CUBN: variants seen among roughly 807,000 people sequenced by gnomAD.
CUBN encodes 460 kDa receptor.
A neutral mutation model predicts 405.3 loss-of-function variants in CUBN; 282 were observed. The ratio of observed to expected loss-of-function variants is 0.70; its 90% CI spans 0.63 to 0.77. The LOEUF (loss-of-function observed/expected upper bound fraction) is 0.77, where lower values mean the gene tolerates loss of function less well. Ranked by LOEUF, CUBN falls within the 30% of genes least tolerant of loss-of-function variation. CUBN has a pLI of 0.00. For missense variants in CUBN, 4,514 were observed against 4,475.2 expected (o/e 1.01, Z -0.25); for synonymous variants, 1,684 against 1,617.0 (o/e 1.04, Z -0.99).
chr10:16,999,079 A>C (rs12243761), intron 28 of CUBN, among the ~76,000 whole-genome samples: 3,623 of 152,340 alleles, frequency 0.024, 100 homozygotes, highest in African/African-American at 0.067. Context: ...TATTGCATGA[A>C]GTCAGTGACT....
At chr10:16,996,332 C>G (rs1236461305) in intron 28 of CUBN, among the ~76,000 whole-genome samples, 1 of 152,182 alleles carries the variant, frequency 6.6e-6, no homozygotes, top group Non-Finnish European at 1.5e-5. Context: ...GGTGACTGAT[C>G]ATCTGTTTGC....
chr10:16,918,623 T>C lies in CUBN; in HGVS notation c.6999A>G (p.Ile2333Met), dbSNP rs1382057390. ...THVGFKAKYSIAQCGGRVPGQ... is the reference protein window; with the variant it reads ...THVGFKAKYSMAQCGGRVPGQ... The stretch of plus-strand genomic sequence containing the variant: ...TAAAAGTTTTAAAAAAATTATTACC[T>C]ATAGAATACTTGGCCTTGAATCCCA... The change falls in exon 45 of 67, where the codon ATA becomes ATG. Residue 2333 changes from isoleucine (I) to methionine (M), a missense_variant and splice_region_variant. By Grantham distance (10) the Ile-to-Met change is conservative. Transcript: ENST00000377833. 6.2e-7 allele frequency: 1 copy of C among 1,612,328 alleles called. No individual in the cohort carries two copies. The highest frequency in any genetic ancestry group is 1.7e-5 in the Admixed American group (1 of 59,974).
intron 27 of CUBN, among the ~76,000 whole-genome samples, chr10:17,031,244 C>T (rs1475536177): frequency 3.9e-5 from 6 of 152,104 alleles, no homozygotes; most frequent in Admixed American, 3.3e-4. Flanking sequence ...TATATCTCAA[C>T]CTAAAGAATT....
chr10:16,946,290 T>A (rs185134116), intron 36 of CUBN, among the ~76,000 whole-genome samples: 1 of 152,148 alleles, frequency 6.6e-6, no homozygotes, highest in African/African-American at 2.4e-5. Context: ...TTACATCTAC[T>A]CTAGGACATA....
At chr10:17,083,537 A>ATACATACATACATACAT (rs1289044197) in intron 17 of CUBN, among the ~76,000 whole-genome samples, 7 of 152,088 alleles carry the variant, frequency 4.6e-5, no homozygotes, top group Non-Finnish European at 8.8e-5. Context: ...ACATACATAC[A>ATACATACATACATACAT]TACATACATA....
At chr10:16,843,833 T>C (rs546646744) in intron 60 of CUBN, among the ~76,000 whole-genome samples, 13 of 152,262 alleles carry the variant, frequency 8.5e-5, no homozygotes, top group South Asian at 2.1e-4. Context: ...GCACATACAC[T>C]ATGCATACAC....
At chr10:16,939,396 C>T (rs1842598037) in intron 37 of CUBN, among the ~76,000 whole-genome samples, 1 of 152,032 alleles carries the variant, frequency 6.6e-6, no homozygotes, top group African/African-American at 2.4e-5. Context: ...GGTTCTGAGC[C>T]CCTAGGGGAC....
intron 62 of CUBN, 45 bp downstream of exon 62, chr10:16,840,285 G>A: frequency 6.6e-7 from 1 of 1,515,036 alleles, no homozygotes; most frequent in South Asian, 1.1e-5. Flanking sequence ...AAATACTGGT[G>A]AAAAGGTCAC....
At chr10:17,038,467 G>T (rs1834945807) in intron 27 of CUBN, among the ~76,000 whole-genome samples, 1 of 152,178 alleles carries the variant, frequency 6.6e-6, no homozygotes, top group Admixed American at 6.5e-5. Context: ...AATAAAGGAT[G>T]CATTTGGTTT....
intron 66 of CUBN, 74 bp downstream of exon 66, chr10:16,828,731 A>G (rs1838872289): frequency 5.6e-6 from 7 of 1,252,000 alleles, no homozygotes; most frequent in African/African-American, 3.0e-5. Context: ...TTAAAAAAAA[A>G]AAAAGTCTAC....
intron 31 of CUBN, among the ~76,000 whole-genome samples, chr10:16,977,835 G>A (rs1034354845): frequency 3.3e-5 from 5 of 152,178 alleles, no homozygotes; most frequent in Non-Finnish European, 7.3e-5. Context: ...CTGCCCATAA[G>A]GGGTTTGAAC....
chr10:17,055,958 C>T (rs550238558), intron 22 of CUBN, among the ~76,000 whole-genome samples: 2 of 152,128 alleles, frequency 1.3e-5, no homozygotes, highest in African/African-American at 4.8e-5. Flanking sequence ...ATAGCCCAAA[C>T]AATTTTGAAA....
chr10:17,111,585 T>C (rs933039873), intron 8 of CUBN, among the ~76,000 whole-genome samples: 4 of 152,206 alleles, frequency 2.6e-5, no homozygotes, highest in African/African-American at 9.7e-5. Flanking sequence ...TACCTACATT[T>C]GCATACACAC....
At chr10:16,966,167 G>T (rs1177732743) in intron 31 of CUBN, among the ~76,000 whole-genome samples, 1 of 152,154 alleles carries the variant, frequency 6.6e-6, no homozygotes, top group Admixed American at 6.5e-5. Flanking sequence ...ATTTGAGAAA[G>T]TCTTATATTG....
chr10:17,122,423 T>G (rs1213683819), intron 6 of CUBN: 7 of 362,966 alleles, frequency 1.9e-5, no homozygotes, highest in African/African-American at 1.5e-4. Context: ...GACACTGGTG[T>G]GGTGGGGTGT....
At chr10:17,094,464 G>C (rs529546535) in intron 14 of CUBN, among the ~76,000 whole-genome samples, 3 of 152,122 alleles carry the variant, frequency 2.0e-5, no homozygotes, top group African/African-American at 7.2e-5. Flanking sequence ...AAAATGGTCT[G>C]TTTGCAAATG....
Position 16,925,754 on chromosome 10 carries a change from C to T in CUBN, c.6292G>A (p.Ala2098Thr), listed in dbSNP as rs1169267019. The stretch of plus-strand genomic sequence containing the variant: ...GGGGACGTGATGATCCCTCTGTCTG[C>T]ATGCAAATATCCACCGCAGCCTTCC... ...FHKSCGGYLHADRGIITSPKY... is the reference protein window; with the variant it reads ...FHKSCGGYLHTDRGIITSPKY... Residue 2098 changes from alanine (A) to threonine (T), a missense_variant, in exon 42 of 67, where the codon GCA (alanine) becomes ACA (threonine). Around this residue, in one of 5 missense-constraint regions of CUBN, gnomAD observed 1,613 missense variants for 1,542.8 expected, o/e 1.05. Coordinates refer to ENST00000377833, the MANE Select transcript of CUBN (RefSeq NM_001081.4). 1.2e-6 allele frequency: 2 copies of T among 1,613,940 alleles called. No homozygotes were observed. Among genetic ancestry groups the T allele is most frequent in the Non-Finnish European group, 1.7e-6 (2 of 1,179,896 alleles).
At chr10:16,837,542 C>G (rs1588572879) in intron 62 of CUBN, among the ~76,000 whole-genome samples, 2 of 152,274 alleles carry the variant, frequency 1.3e-5, no homozygotes, top group African/African-American at 4.8e-5. Flanking sequence ...TTAGAGGTTT[C>G]TGTGTTTTTA....
intron 31 of CUBN, chr10:16,965,543 T>C (rs1843366627): frequency 6.7e-6 from 1 of 149,328 alleles, no homozygotes; most frequent in African/African-American, 2.5e-5. Flanking sequence ...AAATGAATTG[T>C]AGCTTCCTCA....
Sources: gnomAD v4.1 joint callset for allele counts (sites outside exome capture counted in the v4.1 genomes callset) on GRCh38, gnomAD v4.1.1 for gene constraint, gnomAD v4.1.1 regional missense constraint, MANE v1.5 for transcripts, NCBI Gene and HGNC (gene_info 2026-07-23, HGNC 2026-07-21) for gene names.